Variants in MAP2K1 observed in about 807,000 individuals in gnomAD.
MAP2K1 encodes mitogen-activated protein kinase kinase 1.
Under a neutral mutation model 46.3 loss-of-function variants are expected in MAP2K1, and 16 were observed. The observed-to-expected ratio is 0.35, with a 90% CI of 0.23 to 0.52. The LOEUF (loss-of-function observed/expected upper bound fraction) is 0.52, where lower values mean the gene tolerates loss of function less well. MAP2K1 is among the 20% of genes least tolerant of loss of function. The pLI is 0.94. For synonymous variants in MAP2K1, 183 were observed against 185.6 expected (o/e 0.99, Z 0.11); for missense variants, 263 against 497.1 (o/e 0.53, Z 4.48).
At chr15:66,480,739 T>C (rs886847548) in intron 5 of MAP2K1, among the ~76,000 whole-genome samples, 1 of 152,086 alleles carries the variant, frequency 6.6e-6, no homozygotes, top group Admixed American at 6.5e-5. Context: ...AGACACCATA[T>C]AGGTTTGGGA....
intron 3 of MAP2K1, 114 bp downstream of exon 3, chr15:66,437,006 A>G (rs2093489989): frequency 5.4e-6 from 6 of 1,111,368 alleles, no homozygotes; most frequent in African/African-American, 3.1e-5. Context: ...TGGGATCCAC[A>G]TCACTATCTG....
intron 5 of MAP2K1, among the ~76,000 whole-genome samples, chr15:66,471,887 G>C (rs1892640096): frequency 6.6e-6 from 1 of 152,056 alleles, no homozygotes; most frequent in African/African-American, 2.4e-5. Context: ...GACCAGCCTG[G>C]CCAACATGGT....
At position 66,471,658 on chromosome 15, in the gene MAP2K1, A is replaced by AT. The variant is rs5813395; in HGVS notation, c.569-10086dup. Among the ~76,000 whole-genome samples the AT allele has an allele frequency of 9.2e-5, 14 of 151,426 alleles. 1 individual carries two copies. The highest frequency in any genetic ancestry group is 1.2e-4 in the Non-Finnish European group (8 of 67,842). Reference sequence around the variant, plus strand: ...TGAATTAGCTCAAACAATAAAGATGATTTTTTTTTTTGTATCAGCTAACCA... The same window carrying AT: ...TGAATTAGCTCAAACAATAAAGATGATTTTTTTTTTTTGTATCAGCTAACCA... On this transcript the variant is annotated intron_variant, in intron 5 of 10. Transcript: ENST00000307102.
At chr15:66,489,947 G>C in intron 10 of MAP2K1, 184 bp downstream of exon 10, 1 of 682,922 alleles carries the variant, frequency 1.5e-6, no homozygotes, top group South Asian at 1.6e-5. Context: ...GGGAAAGCTG[G>C]GGTGACCCCC....
rs201208360 is a variant in MAP2K1 at position 66,443,310 on chromosome 15, A to G, written c.469A>G (p.Lys157Glu). 6.2e-7 allele frequency: 1 copy of G among 1,612,976 alleles called. No individual in the cohort carries two copies. Among genetic ancestry groups the G allele is most frequent in the Non-Finnish European group, 8.5e-7 (1 of 1,179,028 alleles). Residue 157 changes from lysine to glutamate, a missense_variant, in exon 4 of 11, where the codon AAA becomes GAA. Lys to Glu is a moderately conservative substitution (Grantham distance 56). Around this residue, in one of 4 missense-constraint regions of MAP2K1, gnomAD observed 103 missense variants for 221.6 expected, o/e 0.46. Coordinates refer to ENST00000307102, the MANE Select transcript of MAP2K1 (RefSeq NM_002755.4). ...AGGTTCTCTGGATCAAGTCCTGAAGAAAGCTGGAAGAATTCCTGAACAAAT... is the reference window on the plus strand; with the variant it reads ...AGGTTCTCTGGATCAAGTCCTGAAGGAAGCTGGAAGAATTCCTGAACAAAT... ...DGGSLDQVLK[K>E]AGRIPEQILG...
chr15:66,390,139 T>C (rs1205854239), intron 1 of MAP2K1, among the ~76,000 whole-genome samples: 2 of 152,170 alleles, frequency 1.3e-5, no homozygotes, highest in Admixed American at 6.6e-5. Flanking sequence ...TAGTTTGGTT[T>C]TTTGTACCAT....
chr15:66,468,914 C>T (rs1892537748), intron 5 of MAP2K1, among the ~76,000 whole-genome samples: 1 of 127,098 alleles, frequency 7.9e-6, no homozygotes, highest in South Asian at 2.8e-4. Context: ...GAGTCTGTGC[C>T]ACTGCACTCC....
In MAP2K1 at chr15:66,481,213, T is replaced by C. The variant is rs114906609; in HGVS notation, c.569-542T>C. ...CAGTGGAATGGAATGGAATCATGACTCAGCTCCCACCCTGCCACACATATT... is the reference window on the plus strand; with the variant it reads ...CAGTGGAATGGAATGGAATCATGACCCAGCTCCCACCCTGCCACACATATT... On this transcript the variant is annotated intron_variant, in intron 5 of 10. Coordinates refer to ENST00000307102, the MANE Select transcript of MAP2K1 (RefSeq NM_002755.4). Among the ~76,000 whole-genome samples the C allele has an allele frequency of 3.6e-3, 553 of 152,178 alleles. 2 individuals carry two copies. The highest frequency in any genetic ancestry group is 0.013 in the African/African-American group (528 of 41,498).
At chr15:66,458,957 G>A (rs1892241430) in intron 5 of MAP2K1, among the ~76,000 whole-genome samples, 1 of 152,096 alleles carries the variant, frequency 6.6e-6, no homozygotes, top group African/African-American at 2.4e-5. Context: ...CTAGGTTAGA[G>A]AGTTATGTAA....
chr15:66,481,478 A>G (rs1213832558), intron 5 of MAP2K1, among the ~76,000 whole-genome samples: 1 of 152,230 alleles, frequency 6.6e-6, no homozygotes, highest in Non-Finnish European at 1.5e-5. Context: ...CCTGTGGATC[A>G]TCTGGCCAAG....
At chr15:66,489,317 T>C (rs1893158839) in intron 9 of MAP2K1, 41 bp downstream of exon 9, 1 of 1,566,758 alleles carries the variant, frequency 6.4e-7, no homozygotes, top group Admixed American at 1.7e-5. Flanking sequence ...ATACTCTGGA[T>C]TTGTCAGGCT....
chr15:66,421,428 G>C (rs2093443274), intron 1 of MAP2K1, among the ~76,000 whole-genome samples: 1 of 151,948 alleles, frequency 6.6e-6, no homozygotes. Flanking sequence ...CACCTTGCCT[G>C]GCCTGGCTTA....
Position 66,486,732 on chromosome 15 carries a change from G to A in MAP2K1, c.896-496G>A, listed in dbSNP as rs76190261. Among the ~76,000 whole-genome samples the A allele has an allele frequency of 5.1e-3, 783 of 152,274 alleles. 12 individuals are homozygous for A. The highest frequency in any genetic ancestry group is 0.018 in the African/African-American group (757 of 41,554). On this transcript the variant is annotated intron_variant, in intron 7 of 10. Transcript: ENST00000307102. ...CCCTGTACCTCCATGAGGTCCACAT[G>A]AGAGAGAGCTTGTATAAAGGGGAAA...
chr15:66,408,983 C>T (rs1483389192), intron 1 of MAP2K1, among the ~76,000 whole-genome samples: 2 of 152,146 alleles, frequency 1.3e-5, no homozygotes, highest in Admixed American at 6.5e-5. Context: ...TTCTGCTAAC[C>T]GCTGTGAAGC....
chr15:66,480,945 C>T (rs763990494), intron 5 of MAP2K1, among the ~76,000 whole-genome samples: 5 of 152,040 alleles, frequency 3.3e-5, no homozygotes, highest in Admixed American at 6.6e-5. Flanking sequence ...GAGGATACAG[C>T]GGAAGAAAAA....
chr15:66,404,327 G>A (rs1226686345), intron 1 of MAP2K1, among the ~76,000 whole-genome samples: 2 of 152,140 alleles, frequency 1.3e-5, no homozygotes, highest in East Asian at 3.8e-4. Context: ...ACTCCAGCCT[G>A]GGTAACAGAG....
intron 1 of MAP2K1, among the ~76,000 whole-genome samples, chr15:66,416,804 AATACAGG>A (rs1889056636): frequency 6.6e-6 from 1 of 152,168 alleles, no homozygotes; most frequent in Non-Finnish European, 1.5e-5. Context: ...ATATTACAGC[AATACAGG>A]TAACTTAAAA....
At chr15:66,398,251 T>C (rs542932702) in intron 1 of MAP2K1, among the ~76,000 whole-genome samples, 1 of 150,890 alleles carries the variant, frequency 6.6e-6, no homozygotes, top group South Asian at 2.1e-4. Context: ...ACCTTGTCTC[T>C]ACAAAAATAC....
At chr15:66,445,553 A>G (rs965163705) in intron 5 of MAP2K1, among the ~76,000 whole-genome samples, 3 of 152,256 alleles carry the variant, frequency 2.0e-5, no homozygotes, top group African/African-American at 4.8e-5. Context: ...AAGAAGCTGT[A>G]TTTCTTGTAG....
Sources: gnomAD v4.1 joint callset for allele counts (sites outside exome capture counted in the v4.1 genomes callset) on GRCh38, gnomAD v4.1.1 for gene constraint, gnomAD v4.1.1 regional missense constraint, MANE v1.5 for transcripts, NCBI Gene and HGNC (gene_info 2026-07-23, HGNC 2026-07-21) for gene names.